The following SGCZ variants were observed in gnomAD, a reference collection of about 807,000 sequenced individuals.
SGCZ encodes zeta-sarcoglycan.
In SGCZ, 40 loss-of-function variants were observed where a neutral mutation model predicts 41.3. That is an observed-to-expected ratio of 0.97 (90% CI 0.75 to 1.26). The LOEUF is 1.26. Ranked by LOEUF, SGCZ falls within the 50% of genes most tolerant of loss-of-function variation. SGCZ has a pLI of 0.00. For missense variants in SGCZ, 552 were observed against 369.8 expected (o/e 1.49, Z -4.04); for synonymous variants, 206 against 137.5 (o/e 1.50, Z -3.49).
At chr8:14,890,443 CT>C (rs1367517614) in intron 1 of SGCZ, among the ~76,000 whole-genome samples, 2 of 152,200 alleles carry the variant, frequency 1.3e-5, no homozygotes, top group African/African-American at 2.4e-5. Context: ...CAACACTCCC[CT>C]AAGCGAAAGC....
chr8:15,114,901 T>C (rs1243618164), intron 1 of SGCZ, among the ~76,000 whole-genome samples: 1 of 152,066 alleles, frequency 6.6e-6, no homozygotes. Flanking sequence ...AATAAACCTC[T>C]GAAAAGAGAA....
intron 2 of SGCZ, among the ~76,000 whole-genome samples, chr8:14,367,070 C>A (rs1352096258): frequency 6.6e-6 from 1 of 152,078 alleles, no homozygotes; most frequent in Non-Finnish European, 1.5e-5. Context: ...TCTGCTTTCT[C>A]CTGAACACTT....
At chr8:14,917,733 T>C (rs1412734044) in intron 1 of SGCZ, among the ~76,000 whole-genome samples, 2 of 152,112 alleles carry the variant, frequency 1.3e-5, no homozygotes, top group African/African-American at 4.8e-5. Context: ...AAAGCTAGTA[T>C]TTTTCTCCAT....
intron 3 of SGCZ, among the ~76,000 whole-genome samples, chr8:14,269,526 C>T (rs976161071): frequency 6.6e-6 from 1 of 152,146 alleles, no homozygotes; most frequent in African/African-American, 2.4e-5. Flanking sequence ...TTGCATAACT[C>T]ACAAGGTGAC....
chr8:14,402,018 T>G (rs1301717703), intron 2 of SGCZ, among the ~76,000 whole-genome samples: 2 of 152,148 alleles, frequency 1.3e-5, no homozygotes, highest in Non-Finnish European at 2.9e-5. Flanking sequence ...TGGTTTTGAT[T>G]TGCATTTCTC....
chr8:14,435,715 A>T (rs1319084474), intron 2 of SGCZ, among the ~76,000 whole-genome samples: 1 of 152,224 alleles, frequency 6.6e-6, no homozygotes, highest in Non-Finnish European at 1.5e-5. Flanking sequence ...TATAAATCTC[A>T]AAGTAGACAT....
chr8:14,839,963 G>A (rs546205139), intron 1 of SGCZ, among the ~76,000 whole-genome samples: 6 of 152,108 alleles, frequency 3.9e-5, no homozygotes, highest in Middle Eastern at 3.4e-3. Context: ...GTAGTATTAT[G>A]TAATCAACTT....
chr8:14,172,498 C>A (rs1206898548), intron 4 of SGCZ, among the ~76,000 whole-genome samples: 1 of 152,128 alleles, frequency 6.6e-6, no homozygotes, highest in Non-Finnish European at 1.5e-5. Context: ...GGCGCCATGC[C>A]TCTCAAAGGC....
Position 14,356,118 on chromosome 8 carries a change from T to A in SGCZ, c.235-31914A>T, listed in dbSNP as rs533452461. 7.2e-5 allele frequency among the ~76,000 whole-genome samples: 11 copies of A among 152,278 alleles called. 2 individuals are homozygous for A. The highest frequency in any genetic ancestry group is 2.6e-4 in the African/African-American group (11 of 41,576). On this transcript the variant is annotated intron_variant, in intron 2 of 7. Transcript: ENST00000382080. The stretch of plus-strand genomic sequence containing the variant: ...CACAAACACCAGAGTGGACAAGCAA[T>A]GCTGTACTGTATTGCAAGATTTTGC...
intron 1 of SGCZ, among the ~76,000 whole-genome samples, chr8:14,800,789 G>A (rs1485771130): frequency 2.6e-5 from 4 of 152,072 alleles, no homozygotes; most frequent in South Asian, 2.1e-4. Flanking sequence ...TGTCTAGTAT[G>A]TTTTATAGCA....
intron 1 of SGCZ, among the ~76,000 whole-genome samples, chr8:15,039,543 A>G (rs1563459154): frequency 6.6e-6 from 1 of 152,188 alleles, no homozygotes; most frequent in African/African-American, 2.4e-5. Flanking sequence ...CAAGAAATCT[A>G]TTGGACAATA....
intron 2 of SGCZ, among the ~76,000 whole-genome samples, chr8:14,509,656 C>G (rs1036863197): frequency 2.6e-5 from 4 of 152,070 alleles, no homozygotes; most frequent in African/African-American, 4.8e-5. Context: ...TTCACTCCCA[C>G]AGAACTTCTT....
chr8:14,435,252 C>A (rs2117349713), intron 2 of SGCZ, among the ~76,000 whole-genome samples: 1 of 152,204 alleles, frequency 6.6e-6, no homozygotes, highest in South Asian at 2.1e-4. Context: ...ATGATGTTCC[C>A]TTTGCCTTGA....
chr8:14,465,844 CA>C (rs1431218709), intron 2 of SGCZ, among the ~76,000 whole-genome samples: 4 of 151,644 alleles, frequency 2.6e-5, no homozygotes, highest in Non-Finnish European at 5.9e-5. Context: ...ACTGTATATC[CA>C]AAAACATAAA....
chr8:14,416,231 GGC>G (rs1414646793), intron 2 of SGCZ, among the ~76,000 whole-genome samples: 1 of 151,800 alleles, frequency 6.6e-6, no homozygotes, highest in Admixed American at 6.6e-5. Context: ...CCTCCTTTAA[GGC>G]AGACATTTCC....
At chr8:14,400,747 T>C (rs941377887) in intron 2 of SGCZ, among the ~76,000 whole-genome samples, 4 of 140,828 alleles carry the variant, frequency 2.8e-5, no homozygotes, top group Non-Finnish European at 6.1e-5. Context: ...GCTAAGACTT[T>C]GTAATCAATA....
chr8:14,107,174 C>G (rs542806122), intron 6 of SGCZ, among the ~76,000 whole-genome samples: 1 of 151,908 alleles, frequency 6.6e-6, no homozygotes, highest in East Asian at 1.9e-4. Context: ...CGAGATAGCA[C>G]CGCTGCACTC....
chr8:14,823,495 C>T (rs58363693), intron 1 of SGCZ, among the ~76,000 whole-genome samples: 4 of 152,074 alleles, frequency 2.6e-5, no homozygotes, highest in East Asian at 3.9e-4. Flanking sequence ...CATTTCTAAT[C>T]GTCAAGCAAC....
intron 2 of SGCZ, among the ~76,000 whole-genome samples, chr8:14,396,763 T>G (rs977732033): frequency 6.6e-6 from 1 of 152,044 alleles, no homozygotes; most frequent in African/African-American, 2.4e-5. Context: ...AGTTACGAGA[T>G]AGTGAGCTTT....
Sources: gnomAD v4.1 joint callset for allele counts (sites outside exome capture counted in the v4.1 genomes callset) on GRCh38, gnomAD v4.1.1 for gene constraint, MANE v1.5 for transcripts, NCBI Gene and HGNC (gene_info 2026-07-23, HGNC 2026-07-21) for gene names.